PRKAG1: variants seen among roughly 807,000 people sequenced by gnomAD.
PRKAG1 encodes the protein 5'-AMP-activated protein kinase subunit gamma-1.
PRKAG1 carries 27 observed loss-of-function variants against 48.2 expected under a neutral mutation model. That is an observed-to-expected ratio of 0.56 (90% confidence interval 0.41 to 0.77). PRKAG1 has a LOEUF of 0.77. Among genes scored for constraint, PRKAG1 ranks in the 30% least tolerant of loss-of-function variants. PRKAG1 has a pLI of 0.00. For synonymous variants in PRKAG1, 130 were observed against 147.7 expected (o/e 0.88, Z 0.87); for missense variants, 287 against 398.3 (o/e 0.72, Z 2.38).
At chr12:49,017,033 C>T in intron 1 of PRKAG1, 1 of 427,964 alleles carries the variant, frequency 2.3e-6, no homozygotes, top group South Asian at 1.7e-5. Context: ...ATTTGCAGTG[C>T]CCTCTCCTAG....
At position 49,002,355 on chromosome 12, in the gene PRKAG1, C is replaced by T; in HGVS notation, c.*544G>A. ...CTAACCACGCTGCTCTCCTCCTCCA[C>T]CTAACCCCCATCTCCCTTCATATGC... On this transcript the variant is annotated 3_prime_UTR_variant, in exon 12 of 12. Coordinates refer to ENST00000548065, the MANE Select transcript of PRKAG1 (RefSeq NM_002733.5). 1 of 195,322 alleles carries T rather than the reference C, an allele frequency of 5.1e-6. No homozygotes were observed. The highest frequency in any genetic ancestry group is 1.1e-5 in the Non-Finnish European group (1 of 93,514). 12.1% of individuals were successfully genotyped at this position (195,322 alleles called of 1,614,324 possible).
chr12:49,012,880 C>T (rs1290612447), intron 2 of PRKAG1, 182 bp downstream of exon 2: 3 of 610,762 alleles, frequency 4.9e-6, no homozygotes, highest in Admixed American at 2.9e-5. Flanking sequence ...ATCATCCCCA[C>T]TCTGCCCAAG....
At chr12:49,004,779 G>C in intron 7 of PRKAG1, 146 bp from the exon 8 acceptor site, 1 of 1,365,076 alleles carries the variant, frequency 7.3e-7, no homozygotes, top group Non-Finnish European at 1.0e-6. Context: ...GAAAGAGAGA[G>C]AGAGAGAGAG....
At chr12:49,018,230 A>G (rs889965816) in intron 1 of PRKAG1, 1 of 162,572 alleles carries the variant, frequency 6.2e-6, no homozygotes, top group African/African-American at 2.4e-5. Flanking sequence ...TCTCGGTCTT[A>G]TTAAGGGAAT....
chr12:49,012,875 C>G, intron 2 of PRKAG1, 187 bp downstream of exon 2: 1 of 597,928 alleles, frequency 1.7e-6, no homozygotes, highest in Middle Eastern at 3.0e-4. Context: ...TATTAATCAT[C>G]CCCACTCTGC....
At chr12:49,017,257 G>A in intron 1 of PRKAG1, 1 of 454,938 alleles carries the variant, frequency 2.2e-6, no homozygotes, top group Non-Finnish European at 4.4e-6. Flanking sequence ...CTGGAGTGCA[G>A]TGGCATGATC....
Position 49,003,130 on chromosome 12 carries a change from G to C in PRKAG1, c.888+14C>G, listed in dbSNP as rs1417085851. The C allele has an allele frequency of 1.2e-6, 2 of 1,613,906 alleles. No individual in the cohort carries two copies. The highest frequency in any genetic ancestry group is 1.7e-6 in the Non-Finnish European group (2 of 1,180,008). ...TGCTCCCCTCAGCTCCTTTAGGGTT[G>C]CTGGCCTCCCTACCTCTGCTTCCAC... On this transcript the variant is annotated intron_variant, in intron 11 of 11. Coordinates refer to ENST00000548065, the MANE Select transcript of PRKAG1 (RefSeq NM_002733.5).
chr12:49,007,730 C>T (rs1231166993), intron 2 of PRKAG1, among the ~76,000 whole-genome samples: 1 of 151,814 alleles, frequency 6.6e-6, no homozygotes, highest in East Asian at 1.9e-4. Flanking sequence ...TATTTATCAT[C>T]TATCTACCAA....
At chr12:49,007,128 A>G (rs1485500127) in intron 2 of PRKAG1, among the ~76,000 whole-genome samples, 1 of 151,726 alleles carries the variant, frequency 6.6e-6, no homozygotes, top group Admixed American at 6.6e-5. Flanking sequence ...CTACTAAAAA[A>G]ATATAAAAAT....
rs1941330813 is a variant in PRKAG1, at chr12:49,002,521, G to T, written c.*378C>A. 2.9e-6 allele frequency: 1 copy of T among 350,828 alleles called. No individual in the cohort carries two copies. The highest frequency in any genetic ancestry group is 2.1e-5 in the African/African-American group (1 of 47,208). The allele number at this position is 350,828 out of a possible 1,614,324, so 21.7% of individuals were successfully genotyped here. On this transcript the variant is annotated 3_prime_UTR_variant, in exon 12 of 12. Coordinates refer to ENST00000548065, the MANE Select transcript of PRKAG1 (RefSeq NM_002733.5). ...AAATATCTTTATGAAGAATTTTGTTGTGCTATTATCTTAGGGTTGAATCAG... is the reference window on the plus strand; with the variant it reads ...AAATATCTTTATGAAGAATTTTGTTTTGCTATTATCTTAGGGTTGAATCAG...
chr12:49,004,352 C>G, intron 8 of PRKAG1, 155 bp downstream of exon 8: 1 of 934,652 alleles, frequency 1.1e-6, no homozygotes, highest in South Asian at 1.6e-5. Flanking sequence ...ACCTGTAATC[C>G]TAGCACTTTG....
intron 1 of PRKAG1, among the ~76,000 whole-genome samples, chr12:49,014,819 G>T (rs2137681762): frequency 6.6e-6 from 1 of 152,318 alleles, no homozygotes; most frequent in Non-Finnish European, 1.5e-5. Flanking sequence ...CCTCAAGTGG[G>T]AACATTTGGA....
chr12:49,009,801 C>T (rs1941686682), intron 2 of PRKAG1, among the ~76,000 whole-genome samples: 1 of 151,910 alleles, frequency 6.6e-6, no homozygotes, highest in African/African-American at 2.4e-5. Context: ...TTAGTACAGA[C>T]AGGGTTTCAT....
intron 2 of PRKAG1, among the ~76,000 whole-genome samples, chr12:49,011,574 G>A (rs1035236655): frequency 2.7e-5 from 4 of 149,142 alleles, no homozygotes; most frequent in East Asian, 2.0e-4. Context: ...TTTTTGAGAC[G>A]GAGTTTCACT....
At chr12:49,008,919 C>G (rs1941652759) in intron 2 of PRKAG1, among the ~76,000 whole-genome samples, 1 of 152,114 alleles carries the variant, frequency 6.6e-6, no homozygotes, top group African/African-American at 2.4e-5. Context: ...ATCCATTGTG[C>G]TGAATATTCG....
At chr12:49,007,792 C>T (rs1941603684) in intron 2 of PRKAG1, among the ~76,000 whole-genome samples, 1 of 151,860 alleles carries the variant, frequency 6.6e-6, no homozygotes, top group African/African-American at 2.4e-5. Flanking sequence ...ACCACAAACA[C>T]GTACTTCCCA....
intron 2 of PRKAG1, among the ~76,000 whole-genome samples, chr12:49,012,374 C>T (rs1030408826): frequency 3.4e-5 from 5 of 148,732 alleles, no homozygotes; most frequent in African/African-American, 1.0e-4. Context: ...TAATTTTTTT[C>T]TTTCTTTTTT....
At chr12:49,006,646 T>C (rs893711578) in intron 2 of PRKAG1, among the ~76,000 whole-genome samples, 1 of 152,250 alleles carries the variant, frequency 6.6e-6, no homozygotes, top group African/African-American at 2.4e-5. Flanking sequence ...AGCTTGAATG[T>C]GCTACATACT....
At chr12:49,016,900 C>G (rs113837187) in intron 1 of PRKAG1, 4,288 of 339,536 alleles carry the variant, frequency 0.013, 132 homozygotes, top group African/African-American at 0.073. Context: ...TGATCTTAGC[C>G]TGCTTTTCCA....
Sources: gnomAD v4.1 joint callset for allele counts (sites outside exome capture counted in the v4.1 genomes callset) on GRCh38, gnomAD v4.1.1 for gene constraint, MANE v1.5 for transcripts, NCBI Gene and HGNC (gene_info 2026-07-23, HGNC 2026-07-21) for gene names.